The following CFAP52 variants were observed in gnomAD, a reference collection of about 807,000 sequenced individuals.
CFAP52 encodes the protein cilia and flagella associated protein 52.
Under a neutral mutation model 70.5 loss-of-function variants are expected in CFAP52, and 57 were observed. That is an observed-to-expected ratio of 0.81 (90% confidence interval 0.65 to 1.01). The LOEUF (loss-of-function observed/expected upper bound fraction) is 1.01. Among genes scored for constraint, CFAP52 ranks in the 50% least tolerant of loss-of-function variants. The probability of loss-of-function intolerance (pLI) is 0.00; values close to 1 mark genes in which losing one functional copy is unlikely to be tolerated. For missense variants in CFAP52, 785 were observed against 788.5 expected (o/e 1.00, Z 0.05); for synonymous variants, 267 against 292.5 (o/e 0.91, Z 0.89).
At chr17:9,642,714 G>T (rs1288637549) in intron 13 of CFAP52, among the ~76,000 whole-genome samples, 1 of 152,212 alleles carries the variant, frequency 6.6e-6, no homozygotes, top group Non-Finnish European at 1.5e-5. Flanking sequence ...TAGACACAGT[G>T]TGATCCCAAT....
intron 6 of CFAP52, among the ~76,000 whole-genome samples, chr17:9,601,229 G>A (rs1014493055): frequency 8.4e-5 from 12 of 142,802 alleles, no homozygotes; most frequent in South Asian, 4.6e-4. Context: ...ACATGGACCC[G>A]GGAAAGGGAA....
downstream of CFAP52, among the ~76,000 whole-genome samples, chr17:9,644,293 C>T (rs1351764186): frequency 6.6e-6 from 1 of 151,952 alleles, no homozygotes; most frequent in African/African-American, 2.4e-5. Context: ...TTAGTCGAGA[C>T]GGGGTTTCAC....
downstream of CFAP52, chr17:9,645,474 C>T (rs1911297052): frequency 1.6e-6 from 1 of 632,234 alleles, no homozygotes; most frequent in East Asian, 5.5e-5. This position sits in a 1 kb window ranked among gnomAD's most constrained non-coding sequence, Gnocchi z 6.8. Context: ...CCGCGCGGGG[C>T]GGGGCTGCCC....
At position 9,586,791 on chromosome 17, in the gene CFAP52, A is replaced by G. The variant is rs780714617; in HGVS notation, c.364A>G (p.Asn122Asp). The change falls in exon 3 of 14, where the codon AAT (asparagine) becomes GAT (aspartate). Residue 122 changes from asparagine to aspartate, a missense_variant. Coordinates refer to ENST00000352665, the MANE Select transcript of CFAP52 (RefSeq NM_145054.5). ...AATTGAAGCTCTGGCCTTTTCTCCA[A>G]ATGATTTGTACTTGGTATCACTAGG... The part of the protein sequence containing the change: ...GKIEALAFSP[N>D]DLYLVSLGGP... 1.2e-5 allele frequency: 20 copies of G among 1,613,516 alleles called. No individual in the cohort carries two copies. The highest frequency in any genetic ancestry group is 8.9e-5 in the East Asian group (4 of 44,868).
intron 8 of CFAP52, 108 bp downstream of exon 8, chr17:9,612,587 C>T: frequency 1.5e-6 from 2 of 1,307,534 alleles, no homozygotes; most frequent in Non-Finnish European, 2.0e-6. Flanking sequence ...TGATTTTTCT[C>T]CTTAAATTTT....
At chr17:9,580,416 G>GGT (rs1306960234) in intron 1 of CFAP52, among the ~76,000 whole-genome samples, 4 of 151,958 alleles carry the variant, frequency 2.6e-5, no homozygotes, top group African/African-American at 9.7e-5. Flanking sequence ...GTTCATGTGC[G>GGT]GTGGCTCACA....
intron 1 of CFAP52, among the ~76,000 whole-genome samples, chr17:9,585,382 G>A (rs1193715700): frequency 6.6e-6 from 1 of 152,058 alleles, no homozygotes; most frequent in Non-Finnish European, 1.5e-5. Flanking sequence ...TATTTTTAAA[G>A]TGTTGGCCGG....
chr17:9,611,755 C>A (rs1156367710), intron 7 of CFAP52, among the ~76,000 whole-genome samples: 7 of 152,108 alleles, frequency 4.6e-5, no homozygotes, highest in East Asian at 1.9e-4. Flanking sequence ...ATGATGTAAT[C>A]TTTTTATTAT....
At position 9,585,924 on chromosome 17, in the gene CFAP52, G is replaced by T; in HGVS notation, c.222G>T (p.Arg74Ser). 1 of 1,613,716 alleles carries T rather than the reference G, an allele frequency of 6.2e-7. No homozygotes were observed. Among genetic ancestry groups the T allele is most frequent in the Non-Finnish European group, 8.5e-7 (1 of 1,179,908 alleles). ...ACGTCTCCTGCTTGGCCATCTCCAG[G>T]TCTGGAGAGTACATCGCCTCCGGAC... ...GNNVSCLAISRSGEYIASGQV... is the reference protein window; with the variant it reads ...GNNVSCLAISSSGEYIASGQV... Residue 74 changes from arginine (R) to serine (S), a missense_variant, in exon 2 of 14, where the codon AGG becomes AGT. By Grantham distance (110) the Arg-to-Ser change is moderately radical. Coordinates refer to ENST00000352665, the MANE Select transcript of CFAP52 (RefSeq NM_145054.5).
rs183591899 is a variant in CFAP52, at chr17:9,587,522, C to A, written c.407+688C>A. ...GCATTCCCTTTTCTTTGCAACCTCA[C>A]CAGCATCTGTTATTTTTTGACTTTT... is the stretch of plus-strand genomic sequence containing the variant. On this transcript the variant is annotated intron_variant, in intron 3 of 13. Coordinates refer to ENST00000352665, the MANE Select transcript of CFAP52 (RefSeq NM_145054.5). Among the ~76,000 whole-genome samples, 11 of 152,300 alleles carry A rather than the reference C, an allele frequency of 7.2e-5. No individual in the cohort carries two copies. In the East Asian group the frequency reaches 2.1e-3, roughly 29 times the overall value.
At chr17:9,585,400 G>A (rs189770835) in intron 1 of CFAP52, among the ~76,000 whole-genome samples, 44 of 152,208 alleles carry the variant, frequency 2.9e-4, no homozygotes, top group Admixed American at 2.6e-3. Context: ...CGGGCGCGGT[G>A]GCTCACACCT....
rs73975765 is a variant in CFAP52, at chr17:9,637,320, C to G, written c.1473-1289C>G. Among the ~76,000 whole-genome samples, 442 of 152,226 alleles carry G rather than the reference C, an allele frequency of 2.9e-3. 4 individuals are homozygous for G. Among genetic ancestry groups the G allele is most frequent in the Middle Eastern group, 0.01 (3 of 294 alleles). The stretch of plus-strand genomic sequence containing the variant: ...ATGTCTGAACTTATTTCTATGGATG[C>G]TTTGTGACTGCCTCAAATCCTTAAA... On this transcript the variant is annotated intron_variant, in intron 11 of 13. Coordinates refer to ENST00000352665, the MANE Select transcript of CFAP52 (RefSeq NM_145054.5).
At chr17:9,584,408 T>G (rs1908356468) in intron 1 of CFAP52, 1 of 1,263,004 alleles carries the variant, frequency 7.9e-7, no homozygotes, top group South Asian at 1.3e-5. Context: ...GTTAAAAAAA[T>G]TATTTTCCTG....
chr17:9,628,605 T>C, intron 8 of CFAP52, 67 bp from the exon 9 acceptor site: 1 of 1,570,778 alleles, frequency 6.4e-7, no homozygotes, highest in Non-Finnish European at 8.7e-7. Flanking sequence ...AAACACATTT[T>C]GGTGTCAAAT....
In CFAP52 at chr17:9,628,786, C is replaced by G. The variant is rs369770347; in HGVS notation, c.1140C>G (p.Ile380Met). Reference protein sequence around the residue: ...ITVPNMTCHGIDFMRDGKSII... With the variant: ...ITVPNMTCHGMDFMRDGKSII... ...TGCCCAACATGACCTGCCACGGCATCGACTTCATGAGGGACGGCAAAAGCA... is the reference window on the plus strand; with the variant it reads ...TGCCCAACATGACCTGCCACGGCATGGACTTCATGAGGGACGGCAAAAGCA... Residue 380 changes from isoleucine to methionine, a missense_variant, in exon 9 of 14, where the codon ATC (isoleucine) becomes ATG (methionine). Physicochemically the swap from Ile to Met is conservative, Grantham distance 10. Transcript: ENST00000352665. The G allele has an allele frequency of 1.2e-6, 2 of 1,614,160 alleles. No homozygotes were observed. The highest frequency in any genetic ancestry group is 2.2e-5 in the East Asian group (1 of 44,876).
intron 8 of CFAP52, among the ~76,000 whole-genome samples, chr17:9,626,974 C>T (rs1278595538): frequency 6.6e-6 from 1 of 152,158 alleles, no homozygotes; most frequent in South Asian, 2.1e-4. Flanking sequence ...TTAATCTCCA[C>T]AGAGACAAGC....
intron 3 of CFAP52, among the ~76,000 whole-genome samples, chr17:9,593,694 G>A (rs1908866012): frequency 6.6e-6 from 1 of 152,136 alleles, no homozygotes; most frequent in Admixed American, 6.5e-5. Context: ...GACCTCAGGT[G>A]ATCCACCCGC....
chr17:9,592,073 C>T (rs1908787089), intron 3 of CFAP52, among the ~76,000 whole-genome samples: 1 of 151,924 alleles, frequency 6.6e-6, no homozygotes, highest in Middle Eastern at 3.4e-3. Context: ...TAAAATTGAC[C>T]CGTGTTAAGG....
intron 4 of CFAP52, 45 bp downstream of exon 4, chr17:9,594,366 AT>A: frequency 6.3e-7 from 1 of 1,588,932 alleles, no homozygotes; most frequent in Non-Finnish European, 8.6e-7. Context: ...AAATTGCTAT[AT>A]TTTCTTGCAC....
Sources: gnomAD v4.1 joint callset for allele counts (sites outside exome capture counted in the v4.1 genomes callset) on GRCh38, gnomAD v4.1.1 for gene constraint, Gnocchi (gnomAD v3.1) non-coding constraint, MANE v1.5 for transcripts, NCBI Gene and HGNC (gene_info 2026-07-23, HGNC 2026-07-21) for gene names.